TRMT10A: variants seen among roughly 807,000 people sequenced by gnomAD.
The protein encoded by TRMT10A is tRNA methyltransferase 10 homolog A.
In TRMT10A, 37 loss-of-function variants were observed where a neutral mutation model predicts 40.4. That is an observed-to-expected ratio of 0.92 (90% CI 0.71 to 1.21). The LOEUF (loss-of-function observed/expected upper bound fraction) is 1.21. TRMT10A is among the 50% of genes most tolerant of loss of function. TRMT10A has a pLI of 0.00. For synonymous variants in TRMT10A, 103 were observed against 134.1 expected, an observed-to-expected ratio of 0.77 and a Z score of 1.60; for missense variants, 388 against 404.3, an observed-to-expected ratio of 0.96 and a Z score of 0.35.
intron 6 of TRMT10A, among the ~76,000 whole-genome samples, chr4:99,552,066 C>G (rs187305757): frequency 6.6e-6 from 1 of 151,988 alleles, no homozygotes; most frequent in East Asian, 1.9e-4. Context: ...AAGAGTCCAA[C>G]AGTTTAAAAA....
Position 99,562,201 on chromosome 4 carries a change from A to ATGTGTGTGTG in TRMT10A, c.-24+1702_-24+1711dup, listed in dbSNP as rs60133760. ...AAAAAAAAAAATTATATATATATAT[A>ATGTGTGTGTG]TGTGTGTGTGTGTGTGTGTGTGTGT... On this transcript the variant is annotated intron_variant, in intron 1 of 7. Coordinates refer to ENST00000394876, the MANE Select transcript of TRMT10A (RefSeq NM_001134665.3). Among the ~76,000 whole-genome samples, 44 of 136,186 alleles carry ATGTGTGTGTG rather than the reference A, an allele frequency of 3.2e-4. 1 individual carries two copies. The highest frequency in any genetic ancestry group is 1.1e-3 in the African/African-American group (37 of 35,082). 89.3% of individuals were successfully genotyped at this position (136,186 alleles called of 152,430 possible).
chr4:99,554,967 A>G (rs1326645446), intron 5 of TRMT10A, among the ~76,000 whole-genome samples: 1 of 152,160 alleles, frequency 6.6e-6, no homozygotes, highest in Non-Finnish European at 1.5e-5. Context: ...GAAACCAAGA[A>G]TGAGGCAAAA....
chr4:99,550,325 G>A (rs1476354747), intron 7 of TRMT10A, among the ~76,000 whole-genome samples: 1 of 152,094 alleles, frequency 6.6e-6, no homozygotes, highest in African/African-American at 2.4e-5. Context: ...GAATAGCTAG[G>A]ACTACAAGCA....
chr4:99,557,591 C>G (rs1253774601), intron 3 of TRMT10A, 175 bp from the exon 4 acceptor site: 1 of 547,950 alleles, frequency 1.8e-6, no homozygotes, highest in Admixed American at 3.6e-5. Context: ...AGCAAAATTA[C>G]TGTAAGTTAA....
At position 99,546,844 on chromosome 4, in the gene TRMT10A, T is replaced by C. The variant is rs1405921143; in HGVS notation, c.*2244A>G. The C allele has an allele frequency of 6.6e-6, 1 of 152,130 alleles. No individual in the cohort carries two copies. Among genetic ancestry groups the C allele is most frequent in the Non-Finnish European group, 1.5e-5 (1 of 68,008 alleles). The allele number at this position is 152,130 out of a possible 1,614,324, so 9.4% of individuals were successfully genotyped here. On this transcript the variant is annotated 3_prime_UTR_variant, in exon 8 of 8. Transcript: ENST00000394876. ...AACAATGTTGAGAGAAAAGTATACA[T>C]GCAAATGAGCAAAAAGCTTAATATT... is the stretch of plus-strand genomic sequence containing the variant.
Position 99,549,042 on chromosome 4 carries a change from C to A in TRMT10A, c.*46G>T, listed in dbSNP as rs1471851084. 3.1e-6 allele frequency: 5 copies of A among 1,591,922 alleles called. No individual in the cohort carries two copies. The highest frequency in any genetic ancestry group is 4.3e-6 in the Non-Finnish European group (5 of 1,164,294). ...AATTTCAATATTCTATATAGCACCT[C>A]ACTTTCTCCTAATTTTTCCTTAAAC... On this transcript the variant is annotated 3_prime_UTR_variant, in exon 8 of 8. Coordinates refer to ENST00000394876, the MANE Select transcript of TRMT10A (RefSeq NM_001134665.3).
intron 3 of TRMT10A, chr4:99,557,752 A>G (rs891692970): frequency 2.4e-6 from 1 of 410,412 alleles, no homozygotes; most frequent in Non-Finnish European, 4.3e-6. Flanking sequence ...GTAAAACCCC[A>G]CAGATCTTTA....
At position 99,564,031 on chromosome 4, in the gene TRMT10A, T is replaced by C. The variant is rs1724585217; in HGVS notation, c.-142A>G. 2.6e-6 allele frequency: 4 copies of C among 1,522,688 alleles called. No homozygotes were observed. The Admixed American group carries it at 7.9e-5, about 30-fold the overall frequency. The allele number at this position is 1,522,688 out of a possible 1,614,324, so 94.3% of individuals were successfully genotyped here. ...CAATTCCCAGAGGCAGGGGCGGTAG[T>C]TACGCAGTGGAGGCTACGGCGGTTG... On this transcript the variant is annotated 5_prime_UTR_variant, in exon 1 of 8. Transcript: ENST00000394876.
intron 3 of TRMT10A, chr4:99,557,735 AAC>A (rs1422565397): frequency 2.5e-6 from 1 of 404,212 alleles, no homozygotes; most frequent in African/African-American, 2.1e-5. Context: ...TTTTACCAAC[AAC>A]ACTGGTAAAA....
chr4:99,553,474 A>G (rs983061358), intron 6 of TRMT10A, among the ~76,000 whole-genome samples: 2 of 152,142 alleles, frequency 1.3e-5, no homozygotes, highest in Admixed American at 6.5e-5. Flanking sequence ...AAGCATGTGG[A>G]CTCCAGAGCA....
Position 99,549,260 on chromosome 4 carries a change from TTGTC to T in TRMT10A, c.844_847del (p.Asp282LysfsTer34), listed in dbSNP as rs774708543. 1.2e-6 allele frequency: 2 copies of T among 1,614,128 alleles called. No individual in the cohort carries two copies. Among genetic ancestry groups the T allele is most frequent in the South Asian group, 2.2e-5 (2 of 91,080 alleles). On this transcript the variant is annotated frameshift_variant, in exon 8 of 8. Coordinates refer to ENST00000394876, the MANE Select transcript of TRMT10A (RefSeq NM_001134665.3). LOFTEE classifies it low-confidence loss of function (END_TRUNC). ...GTCATGAGAAGCACTTTCACAGGCTTTGTCTGTGGGAACAGCTCCTTTCCGTTGG... is the reference window on the plus strand; with the variant it reads ...GTCATGAGAAGCACTTTCACAGGCTTTGTGGGAACAGCTCCTTTCCGTTGG...
chr4:99,549,496 T>C (rs990036207), intron 7 of TRMT10A, 140 bp from the exon 8 acceptor site: 1 of 1,175,498 alleles, frequency 8.5e-7, no homozygotes, highest in East Asian at 2.5e-5. Context: ...TTCTTTCTAT[T>C]GTCTGTCAAG....
intron 1 of TRMT10A, among the ~76,000 whole-genome samples, chr4:99,562,917 G>A (rs1164884970): frequency 6.6e-6 from 1 of 152,054 alleles, no homozygotes; most frequent in African/African-American, 2.4e-5. Context: ...CGCCTTCTGG[G>A]TTCAAGTAGT....
At chr4:99,558,845 A>G (rs1180934355) in intron 2 of TRMT10A, among the ~76,000 whole-genome samples, 1 of 152,128 alleles carries the variant, frequency 6.6e-6, no homozygotes, top group Non-Finnish European at 1.5e-5. Flanking sequence ...AGTTGTTTCA[A>G]AAATTGTGCT....
At chr4:99,563,288 A>G (rs1422865371) in intron 1 of TRMT10A, 1 of 152,588 alleles carries the variant, frequency 6.6e-6, no homozygotes, top group Non-Finnish European at 1.5e-5. Flanking sequence ...ATATCTGTAG[A>G]AAAATTCCCA....
intron 6 of TRMT10A, among the ~76,000 whole-genome samples, chr4:99,551,950 TAAA>T (rs976895671): frequency 4.0e-5 from 6 of 151,838 alleles, no homozygotes; most frequent in Non-Finnish European, 8.8e-5. Context: ...TTTAAAAAGT[TAAA>T]AAATTAAGAA....
chr4:99,559,871 A>T (rs1724316161), intron 1 of TRMT10A, among the ~76,000 whole-genome samples: 1 of 152,158 alleles, frequency 6.6e-6, no homozygotes, highest in Non-Finnish European at 1.5e-5. Context: ...ATATTTAATG[A>T]TAAGGGGAAA....
chr4:99,550,844 G>C (rs755001904), intron 7 of TRMT10A, 41 bp downstream of exon 7: 1 of 1,381,944 alleles, frequency 7.2e-7, no homozygotes, highest in Admixed American at 1.7e-5. Flanking sequence ...TTCTCACAAT[G>C]TTCGCTCAGG....
At chr4:99,557,076 G>GT (rs1328979462) in intron 4 of TRMT10A, among the ~76,000 whole-genome samples, 1 of 152,102 alleles carries the variant, frequency 6.6e-6, no homozygotes, top group Non-Finnish European at 1.5e-5. Context: ...AAAAATATAT[G>GT]TATGTCCCAC....
Sources: allele counts gnomAD v4.1 joint callset (sites outside exome capture counted in the v4.1 genomes callset), GRCh38; gene constraint gnomAD v4.1.1; transcripts MANE v1.5; gene names NCBI Gene and HGNC (gene_info 2026-07-23, HGNC 2026-07-21).